VRK2: variants seen among roughly 807,000 people sequenced by gnomAD.
The protein encoded by VRK2 is serine/threonine-protein kinase VRK2.
Under a neutral mutation model 57.6 loss-of-function variants are expected in VRK2, and 60 were observed. The ratio of observed to expected loss-of-function variants is 1.04; its 90% CI spans 0.85 to 1.29. The LOEUF (loss-of-function observed/expected upper bound fraction) is 1.29. Among genes scored for constraint, VRK2 ranks in the 50% most tolerant of loss-of-function variants. The probability of loss-of-function intolerance (pLI) is 0.00; values close to 1 mark genes in which losing one functional copy is unlikely to be tolerated. For missense variants in VRK2, 705 were observed against 588.1 expected (o/e 1.20, Z -2.06); for synonymous variants, 231 against 199.2 (o/e 1.16, Z -1.35).
At chr2:58,135,262 C>T in intron 10 of VRK2, 63 bp downstream of exon 10, 5 of 1,587,248 alleles carry the variant, frequency 3.2e-6, no homozygotes, top group Non-Finnish European at 3.5e-6. Context: ...TTGTCGTTAT[C>T]GTTTGGTAGC....
chr2:58,050,713 T>C (rs1341624135), intron 2 of VRK2, among the ~76,000 whole-genome samples: 1 of 152,258 alleles, frequency 6.6e-6, no homozygotes, highest in Non-Finnish European at 1.5e-5. Context: ...TGTATGTATC[T>C]ATGTGTACAC....
chr2:57,930,598 G>A (rs1670688389), intron 1 of VRK2, among the ~76,000 whole-genome samples: 1 of 152,124 alleles, frequency 6.6e-6, no homozygotes, highest in Non-Finnish European at 1.5e-5. Flanking sequence ...TCAATTTGGT[G>A]TCTGTGAAGA....
chr2:57,944,727 C>T (rs1266121741), intron 1 of VRK2, among the ~76,000 whole-genome samples: 1 of 149,406 alleles, frequency 6.7e-6, no homozygotes, highest in Non-Finnish European at 1.5e-5. Context: ...CAGAGCGAGA[C>T]TCTGTCTCAA....
intron 1 of VRK2, among the ~76,000 whole-genome samples, chr2:57,909,059 T>C (rs958158120): frequency 2.0e-5 from 3 of 152,188 alleles, no homozygotes; most frequent in African/African-American, 7.2e-5. Context: ...TATTTCTGTG[T>C]CTGTTCTGTA....
chr2:57,990,182 T>TCAA (rs1201957074), intron 1 of VRK2, among the ~76,000 whole-genome samples: 1 of 152,166 alleles, frequency 6.6e-6, no homozygotes, highest in South Asian at 2.1e-4. Context: ...CCAAAGACTC[T>TCAA]CAACATGTGA....
Position 58,151,428 on chromosome 2 carries a change from C to T in VRK2, c.1182+4954C>T, listed in dbSNP as rs576340300. On this transcript the variant is annotated intron_variant, in intron 12 of 12. Coordinates refer to ENST00000340157, the MANE Select transcript of VRK2 (RefSeq NM_006296.7). ...ATGATTAACATTTATACATTGTATC[C>T]ATTTCCATCCTTTGTTTAATCCACT... 3.7e-4 allele frequency among the ~76,000 whole-genome samples: 56 copies of T among 151,780 alleles called. No individual in the cohort carries two copies. The South Asian group carries it at 7.3e-3, about 20-fold the overall frequency.
Position 58,088,354 on chromosome 2 carries a change from G to A in VRK2, c.358G>A (p.Val120Ile), listed in dbSNP as rs1274707992. The stretch of plus-strand genomic sequence containing the variant: ...TTTTTCTTACAGTTACAGATTTATG[G>A]TAATGGAAAGACTAGGAATAGATTT... Reference protein sequence around the residue: ...EFKGRSYRFMVMERLGIDLQK... With the variant: ...EFKGRSYRFMIMERLGIDLQK... Residue 120 changes from valine to isoleucine, a missense_variant, in exon 6 of 13, where the codon GTA becomes ATA. Coordinates refer to ENST00000340157, the MANE Select transcript of VRK2 (RefSeq NM_006296.7). The A allele has an allele frequency of 5.0e-6, 8 of 1,609,220 alleles. No homozygotes were observed. Among genetic ancestry groups the A allele is most frequent in the Non-Finnish European group, 5.9e-6 (7 of 1,177,296 alleles).
At chr2:58,121,201 C>T (rs1677457867) in intron 7 of VRK2, among the ~76,000 whole-genome samples, 1 of 152,198 alleles carries the variant, frequency 6.6e-6, no homozygotes, top group Admixed American at 6.5e-5. Context: ...TAGCATACTG[C>T]TTGGTGCATA....
At chr2:57,958,059 C>G (rs541044111) in intron 1 of VRK2, among the ~76,000 whole-genome samples, 7 of 152,242 alleles carry the variant, frequency 4.6e-5, no homozygotes, top group African/African-American at 1.7e-4. Context: ...ACAGGAGGAT[C>G]TCAGGCACTC....
chr2:58,159,728 A>T lies in VRK2; in HGVS notation c.*35A>T. On this transcript the variant is annotated 3_prime_UTR_variant, in exon 13 of 13. Coordinates refer to ENST00000340157, the MANE Select transcript of VRK2 (RefSeq NM_006296.7). ...CAAAATTCCTTTTGATAATTTTTTA[A>T]GTTTCCAGCTCTTCACCGAAATGTT... is the stretch of plus-strand genomic sequence containing the variant. The T allele has an allele frequency of 1.2e-6, 2 of 1,612,288 alleles. No individual in the cohort carries two copies. Among genetic ancestry groups the T allele is most frequent in the Non-Finnish European group, 8.5e-7 (1 of 1,179,436 alleles).
chr2:58,104,909 A>G (rs192987612), intron 7 of VRK2, among the ~76,000 whole-genome samples: 1 of 152,070 alleles, frequency 6.6e-6, no homozygotes, highest in East Asian at 1.9e-4. Context: ...AAAGCTACAT[A>G]TCTACACCCA....
At chr2:57,995,616 T>A (rs1281549164) in intron 1 of VRK2, among the ~76,000 whole-genome samples, 1 of 152,216 alleles carries the variant, frequency 6.6e-6, no homozygotes, top group Non-Finnish European at 1.5e-5. Flanking sequence ...AATAACTGTA[T>A]AAGTGCTTTT....
chr2:57,974,917 T>C (rs530477233), intron 1 of VRK2, among the ~76,000 whole-genome samples: 36 of 151,862 alleles, frequency 2.4e-4, no homozygotes, highest in African/African-American at 8.4e-4. Context: ...AATTACATAA[T>C]AATAATGAAA....
At chr2:58,032,386 G>T (rs1339187379) in intron 2 of VRK2, among the ~76,000 whole-genome samples, 1 of 152,076 alleles carries the variant, frequency 6.6e-6, no homozygotes, top group African/African-American at 2.4e-5. Flanking sequence ...ATTGTCTAGT[G>T]AGGATCCACT....
intron 1 of VRK2, among the ~76,000 whole-genome samples, chr2:57,947,374 T>C (rs148842193): frequency 2.8e-4 from 42 of 152,264 alleles, no homozygotes; most frequent in African/African-American, 9.1e-4. Context: ...CACATGCACA[T>C]TCAAACACAA....
intron 1 of VRK2, among the ~76,000 whole-genome samples, chr2:57,946,671 A>C (rs917959790): frequency 6.6e-6 from 1 of 152,198 alleles, no homozygotes; most frequent in Non-Finnish European, 1.5e-5. Context: ...CCAAGAAGAC[A>C]TCAAACAATT....
At chr2:58,046,159 T>C (rs923416906), upstream of VRK2, among the ~76,000 whole-genome samples, 4 of 152,336 alleles carry the variant, frequency 2.6e-5, no homozygotes, top group Admixed American at 1.3e-4. Context: ...TGAGTCTTTA[T>C]GTATTAGAAA....
chr2:58,135,387 C>CA (rs1322993276), intron 10 of VRK2, among the ~76,000 whole-genome samples, 188 bp downstream of exon 10: 3 of 148,026 alleles, frequency 2.0e-5, no homozygotes, highest in Middle Eastern at 3.6e-3. Flanking sequence ...CATTAGAACA[C>CA]AAAAAACCTC....
intron 2 of VRK2, among the ~76,000 whole-genome samples, chr2:58,052,568 A>C (rs1337836733): frequency 6.7e-6 from 1 of 149,132 alleles, no homozygotes; most frequent in Non-Finnish European, 1.5e-5. Context: ...GCACCACTGC[A>C]TTCTAGCTTA....
Sources: allele counts gnomAD v4.1 joint callset (sites outside exome capture counted in the v4.1 genomes callset), GRCh38; gene constraint gnomAD v4.1.1; transcripts MANE v1.5; gene names NCBI Gene and HGNC (gene_info 2026-07-23, HGNC 2026-07-21).